The following AGK variants were observed in gnomAD, a reference collection of about 807,000 sequenced individuals.
The protein encoded by AGK is acylglycerol kinase, mitochondrial.
Under a neutral mutation model 66.4 loss-of-function variants are expected in AGK, and 52 were observed. The ratio of observed to expected loss-of-function variants is 0.78; its 90% CI spans 0.63 to 0.99. The LOEUF (loss-of-function observed/expected upper bound fraction) is 0.99, where lower values mean the gene tolerates loss of function less well. AGK is among the 50% of genes least tolerant of loss of function. The pLI is 0.00. For synonymous variants in AGK, 182 were observed against 181.1 expected, an observed-to-expected ratio of 1.00 and a Z score of -0.04; for missense variants, 451 against 506.6, an observed-to-expected ratio of 0.89 and a Z score of 1.05.
At chr7:141,619,195 A>T (rs1038110091) in intron 8 of AGK, among the ~76,000 whole-genome samples, 5 of 152,178 alleles carry the variant, frequency 3.3e-5, no homozygotes, top group Non-Finnish European at 7.4e-5. Flanking sequence ...TGAAAAATTG[A>T]TTCTAAAATT....
intron 11 of AGK, among the ~76,000 whole-genome samples, chr7:141,637,725 G>A (rs192987358): frequency 2.0e-5 from 3 of 152,246 alleles, no homozygotes; most frequent in East Asian, 1.9e-4. Context: ...TAGTGAGAAG[G>A]TTGGTTCCAA....
chr7:141,579,915 A>C (rs1795845931), intron 2 of AGK, among the ~76,000 whole-genome samples: 1 of 151,892 alleles, frequency 6.6e-6, no homozygotes, highest in Non-Finnish European at 1.5e-5. Flanking sequence ...GAAGGAGAAA[A>C]ACTGGCTGTG....
intron 2 of AGK, among the ~76,000 whole-genome samples, chr7:141,587,936 GTTC>G (rs1235239772): frequency 1.3e-5 from 2 of 152,188 alleles, no homozygotes; most frequent in Non-Finnish European, 2.9e-5. Context: ...ACCAAGAGCT[GTTC>G]TTCTTTACCA....
intron 5 of AGK, among the ~76,000 whole-genome samples, chr7:141,604,670 G>A (rs1371794192): frequency 4.9e-5 from 7 of 141,506 alleles, no homozygotes; most frequent in South Asian, 2.3e-4. Context: ...TGCACCCTCC[G>A]CCTCCCGGGT....
intron 6 of AGK, among the ~76,000 whole-genome samples, chr7:141,613,935 T>G (rs879688431): frequency 1.1e-4 from 16 of 152,176 alleles, no homozygotes; most frequent in Non-Finnish European, 2.1e-4. Context: ...TAGCCTTTAT[T>G]GTATTATTGA....
intron 2 of AGK, among the ~76,000 whole-genome samples, chr7:141,588,616 G>A (rs529466630): frequency 2.0e-5 from 3 of 149,716 alleles, no homozygotes; most frequent in African/African-American, 4.9e-5. Context: ...ACTTCGCCTC[G>A]GAAAAAAAAA....
chr7:141,552,714 C>T (rs1420748760), intron 1 of AGK, among the ~76,000 whole-genome samples: 2 of 152,108 alleles, frequency 1.3e-5, no homozygotes, highest in Non-Finnish European at 2.9e-5. Context: ...TGAAGCAGGC[C>T]ATAAAAGAAT....
intron 9 of AGK, among the ~76,000 whole-genome samples, chr7:141,630,307 A>C (rs572984234): frequency 3.2e-4 from 49 of 152,320 alleles, no homozygotes; most frequent in African/African-American, 1.0e-3. Flanking sequence ...CAAATAGTGC[A>C]AAGTTGCAGT....
At chr7:141,640,742 C>T (rs1169668212) in intron 11 of AGK, among the ~76,000 whole-genome samples, 1 of 151,972 alleles carries the variant, frequency 6.6e-6, no homozygotes, top group Admixed American at 6.6e-5. Flanking sequence ...GATGCCAGGA[C>T]ATAGAAGACA....
chr7:141,632,666 CA>C (rs1382440295), intron 9 of AGK, among the ~76,000 whole-genome samples: 1 of 152,208 alleles, frequency 6.6e-6, no homozygotes, highest in Non-Finnish European at 1.5e-5. Flanking sequence ...ACTAGGCACC[CA>C]GAAAACTAAT....
intron 10 of AGK, among the ~76,000 whole-genome samples, chr7:141,634,243 A>C (rs1797120967): frequency 6.6e-6 from 1 of 152,192 alleles, no homozygotes; most frequent in Non-Finnish European, 1.5e-5. Context: ...TTTTAGACAC[A>C]CTATTTGAGC....
intron 3 of AGK, among the ~76,000 whole-genome samples, chr7:141,594,837 G>C (rs368578215): frequency 3.9e-5 from 6 of 152,046 alleles, no homozygotes; most frequent in African/African-American, 1.2e-4. Flanking sequence ...ATTTTTAGTA[G>C]AGACGGGGTT....
chr7:141,586,428 CAGTG>C (rs1795996405), intron 2 of AGK, among the ~76,000 whole-genome samples: 2 of 152,206 alleles, frequency 1.3e-5, no homozygotes, highest in African/African-American at 4.8e-5. Context: ...TGTCTGAGCA[CAGTG>C]AGTCAATCTC....
intron 6 of AGK, among the ~76,000 whole-genome samples, chr7:141,612,464 G>C (rs756113221): frequency 6.6e-6 from 1 of 152,162 alleles, no homozygotes; most frequent in African/African-American, 2.4e-5. Context: ...AAATGTATAA[G>C]TGTTATACAT....
intron 3 of AGK, among the ~76,000 whole-genome samples, chr7:141,594,511 G>A (rs1378369791): frequency 6.6e-6 from 1 of 151,558 alleles, no homozygotes; most frequent in Non-Finnish European, 1.5e-5. Flanking sequence ...TCTCTTTAAG[G>A]AAGAGTAGAC....
chr7:141,626,825 A>G (rs1416887325), intron 9 of AGK, among the ~76,000 whole-genome samples: 1 of 152,224 alleles, frequency 6.6e-6, no homozygotes, highest in Non-Finnish European at 1.5e-5. Context: ...GAGAGGCAGT[A>G]TTGGAACAAT....
At chr7:141,610,113 C>T (rs1387901144) in intron 5 of AGK, among the ~76,000 whole-genome samples, 14 of 151,916 alleles carry the variant, frequency 9.2e-5, no homozygotes, top group African/African-American at 2.2e-4. Flanking sequence ...GGATTACAGG[C>T]GTGCATCACC....
rs1273342884 is a variant in AGK at position 141,653,613 on chromosome 7, C to T, written c.*689C>T. 1 of 152,190 alleles carries T rather than the reference C, an allele frequency of 6.6e-6. No individual in the cohort carries two copies. The highest frequency in any genetic ancestry group is 1.5e-5 in the Non-Finnish European group (1 of 68,030). The allele number at this position is 152,190 out of a possible 1,614,324, so 9.4% of individuals were successfully genotyped here. On this transcript the variant is annotated 3_prime_UTR_variant, in exon 16 of 16. Coordinates refer to ENST00000649286, the MANE Select transcript of AGK (RefSeq NM_018238.4). ...TTTGGGGATGGGGCCCAGGAATATG[C>T]ATTTTTAAAAAGTCATCTGCCCTTC...
At chr7:141,560,610 C>A (rs999182672) in intron 2 of AGK, among the ~76,000 whole-genome samples, 17 of 151,944 alleles carry the variant, frequency 1.1e-4, no homozygotes, top group African/African-American at 4.1e-4. Flanking sequence ...TTATTCCTCA[C>A]CCCACTCCCA....
Sources: gnomAD v4.1 joint callset for allele counts (sites outside exome capture counted in the v4.1 genomes callset) on GRCh38, gnomAD v4.1.1 for gene constraint, MANE v1.5 for transcripts, NCBI Gene and HGNC (gene_info 2026-07-23, HGNC 2026-07-21) for gene names.